Variants in RAD51B observed in about 807,000 individuals in gnomAD.
RAD51B encodes RAD51 paralog B.
Under a neutral mutation model 42.2 loss-of-function variants are expected in RAD51B, and 38 were observed. The ratio of observed to expected loss-of-function variants is 0.90; its 90% CI spans 0.70 to 1.18. The LOEUF is 1.18. Among genes scored for constraint, RAD51B ranks in the 50% most tolerant of loss-of-function variants. RAD51B has a pLI of 0.00. For missense variants in RAD51B, 373 were observed against 400.7 expected, an observed-to-expected ratio of 0.93 and a Z score of 0.59; for synonymous variants, 154 against 145.2, an observed-to-expected ratio of 1.06 and a Z score of -0.43.
intron 10 of RAD51B, among the ~76,000 whole-genome samples, chr14:68,534,593 A>C (rs1887501282): frequency 1.3e-5 from 2 of 152,156 alleles, no homozygotes; most frequent in Non-Finnish European, 2.9e-5. Flanking sequence ...CCTCAGGGCC[A>C]ATCAGGTTTT....
At chr14:68,397,642 G>A (rs1490716611) in intron 8 of RAD51B, among the ~76,000 whole-genome samples, 2 of 152,186 alleles carry the variant, frequency 1.3e-5, no homozygotes, top group Admixed American at 6.5e-5. Flanking sequence ...GGTGAGCCTT[G>A]TGTTGGCATG....
At chr14:68,142,257 CA>C (rs2078144806) in intron 7 of RAD51B, among the ~76,000 whole-genome samples, 2 of 152,092 alleles carry the variant, frequency 1.3e-5, no homozygotes, top group African/African-American at 4.8e-5. Flanking sequence ...TATGACCTTA[CA>C]TGCAGATTGA....
intron 8 of RAD51B, among the ~76,000 whole-genome samples, chr14:68,399,747 A>G (rs2084040063): frequency 6.6e-6 from 1 of 152,242 alleles, no homozygotes; most frequent in Non-Finnish European, 1.5e-5. Context: ...AACTTCTCTT[A>G]CATAACCACA....
Position 68,355,387 on chromosome 14 carries a change from G to T in RAD51B, c.854-56037G>T, listed in dbSNP as rs575316472. Among the ~76,000 whole-genome samples the T allele has an allele frequency of 5.7e-4, 87 of 152,284 alleles. 1 individual carries two copies. The highest frequency in any genetic ancestry group is 1.9e-3 in the African/African-American group (81 of 41,552). ...CGTTTAGCTCCTCATTTTGTTACTG[G>T]CTTCATTCTGATTTTGGAAACAACA... is the stretch of plus-strand genomic sequence containing the variant. On this transcript the variant is annotated intron_variant, in intron 8 of 10. Transcript: ENST00000471583.
At chr14:67,995,157 G>A (rs1262065235) in intron 7 of RAD51B, among the ~76,000 whole-genome samples, 1 of 152,080 alleles carries the variant, frequency 6.6e-6, no homozygotes, top group Non-Finnish European at 1.5e-5. Flanking sequence ...GGAGGCTGAG[G>A]TGGGCAGATC....
chr14:68,388,319 A>T (rs1448612806), intron 8 of RAD51B, among the ~76,000 whole-genome samples: 2 of 151,720 alleles, frequency 1.3e-5, no homozygotes, highest in Non-Finnish European at 2.9e-5. Flanking sequence ...GTTGATCTCG[A>T]ACTCCTGACC....
At chr14:67,827,026 A>G (rs2040859948) in intron 3 of RAD51B, among the ~76,000 whole-genome samples, 1 of 152,196 alleles carries the variant, frequency 6.6e-6, no homozygotes, top group Non-Finnish European at 1.5e-5. Context: ...TGATCTGAGG[A>G]AAATATTTTA....
intron 8 of RAD51B, among the ~76,000 whole-genome samples, chr14:68,337,934 G>A (rs1013079285): frequency 1.3e-5 from 2 of 151,854 alleles, no homozygotes; most frequent in East Asian, 3.9e-4. Flanking sequence ...ACCACACTCA[G>A]CAAATTTTTT....
rs557141865 is a variant in RAD51B at position 68,669,298 on chromosome 14, C to A, written c.*11+18442C>A. On this transcript the variant is annotated intron_variant, in intron 11 of 11. Transcript: ENST00000488612. ...GAACTTTACATAGGAAATATGTAGG[C>A]CCCCTGAGGCACCTAGAAAGTGTCT... is the stretch of plus-strand genomic sequence containing the variant. 4.6e-5 allele frequency among the ~76,000 whole-genome samples: 7 copies of A among 152,292 alleles called. No homozygotes were observed. In the South Asian group the frequency reaches 1.4e-3, roughly 32 times the overall value.
At chr14:68,059,918 T>C (rs1240458141) in intron 7 of RAD51B, among the ~76,000 whole-genome samples, 1 of 152,214 alleles carries the variant, frequency 6.6e-6, no homozygotes, top group Admixed American at 6.5e-5. Context: ...TTTGTTACAG[T>C]TTTTAGAATG....
intron 7 of RAD51B, among the ~76,000 whole-genome samples, chr14:68,100,090 C>A (rs1206661066): frequency 6.6e-6 from 1 of 152,060 alleles, no homozygotes; most frequent in African/African-American, 2.4e-5. Context: ...TGCCTCATGT[C>A]TTTGTTAATG....
chr14:67,959,573 G>A (rs140953830), intron 7 of RAD51B, among the ~76,000 whole-genome samples: 1 of 152,094 alleles, frequency 6.6e-6, no homozygotes, highest in Admixed American at 6.6e-5. Context: ...ATTTATGTTA[G>A]CCTTGAAAAA....
In RAD51B at chr14:67,925,462, G is replaced by A. The variant is rs186609852; in HGVS notation, c.756+38258G>A. Among the ~76,000 whole-genome samples the A allele has an allele frequency of 7.0e-4, 107 of 152,124 alleles. 1 individual carries two copies. In the East Asian group the frequency reaches 0.017, roughly 24 times the overall value. On this transcript the variant is annotated intron_variant, in intron 7 of 10. Transcript: ENST00000471583. Reference sequence around the variant, plus strand: ...TAATTTTTGTATTTTTAGTAGAGACGGGGTTTCACCATATTGGCCAGGTTG... The same window carrying A: ...TAATTTTTGTATTTTTAGTAGAGACAGGGTTTCACCATATTGGCCAGGTTG...
At chr14:68,382,765 TA>T (rs553242956) in intron 8 of RAD51B, among the ~76,000 whole-genome samples, 9 of 152,192 alleles carry the variant, frequency 5.9e-5, no homozygotes, top group East Asian at 3.8e-4. Context: ...AAAAGTCACT[TA>T]AAAAAACATA....
chr14:68,508,381 G>A (rs933031953), intron 10 of RAD51B, among the ~76,000 whole-genome samples: 2 of 152,128 alleles, frequency 1.3e-5, no homozygotes, highest in African/African-American at 4.8e-5. Context: ...ACCAAGGAAC[G>A]GGGACCTGGG....
At chr14:67,894,712 A>G (rs998227257) in intron 7 of RAD51B, among the ~76,000 whole-genome samples, 3 of 152,230 alleles carry the variant, frequency 2.0e-5, no homozygotes, top group African/African-American at 7.2e-5. Context: ...GGGAGGTAGT[A>G]GAGACCTTCA....
intron 10 of RAD51B, among the ~76,000 whole-genome samples, chr14:68,625,787 G>T (rs561910585): frequency 1.3e-5 from 2 of 152,318 alleles, no homozygotes; most frequent in African/African-American, 4.8e-5. Context: ...CTATGAATGG[G>T]TTCTGAAGGT....
At chr14:67,974,649 G>T (rs1024184019) in intron 7 of RAD51B, among the ~76,000 whole-genome samples, 2 of 152,100 alleles carry the variant, frequency 1.3e-5, no homozygotes, top group Non-Finnish European at 2.9e-5. Context: ...TACAGTACAT[G>T]AGACTTATAC....
intron 8 of RAD51B, among the ~76,000 whole-genome samples, chr14:68,306,033 G>C (rs1372380439): frequency 6.6e-6 from 1 of 152,162 alleles, no homozygotes; most frequent in Non-Finnish European, 1.5e-5. Flanking sequence ...TTCTTGTGCT[G>C]ATCATCTTGG....
Sources: allele counts gnomAD v4.1 joint callset (sites outside exome capture counted in the v4.1 genomes callset), GRCh38; gene constraint gnomAD v4.1.1; transcripts MANE v1.5; gene names NCBI Gene and HGNC (gene_info 2026-07-23, HGNC 2026-07-21).